The following RNF157 variants were observed in gnomAD, a reference collection of about 807,000 sequenced individuals.
The protein encoded by RNF157 is E3 ubiquitin ligase RNF157.
In RNF157, 55 loss-of-function variants were observed where a neutral mutation model predicts 88.3. The observed-to-expected ratio is 0.62, with a 90% confidence interval of 0.50 to 0.78. The LOEUF (loss-of-function observed/expected upper bound fraction) is 0.78. Among genes scored for constraint, RNF157 ranks in the 30% least tolerant of loss-of-function variants. The probability of loss-of-function intolerance (pLI) is 0.00; values close to 1 mark genes in which losing one functional copy is unlikely to be tolerated. For missense variants in RNF157, 788 were observed against 860.8 expected, an observed-to-expected ratio of 0.92 and a Z score of 1.06; for synonymous variants, 334 against 341.2, an observed-to-expected ratio of 0.98 and a Z score of 0.23.
chr17:76,184,018 C>T (rs1358605855), intron 2 of RNF157, among the ~76,000 whole-genome samples: 1 of 151,824 alleles, frequency 6.6e-6, no homozygotes, highest in East Asian at 1.9e-4. Context: ...GGTGAAACCC[C>T]GTCTCTACTA....
In RNF157 at chr17:76,146,615, G is replaced by A. The variant is rs1040554589; in HGVS notation, c.1922-1262C>T. On this transcript the variant is annotated intron_variant, in intron 18 of 18. Transcript: ENST00000269391. The surrounding 1 kb of genome is among the most constrained non-coding windows in gnomAD (Gnocchi z 4.2). ...CTCCCCTCACGAGGCATCTCTGGCC[G>A]GGGGAGGCCCAGTGTGCTCCTAAGT... 1.1e-5 allele frequency: 11 copies of A among 985,464 alleles called. No homozygotes were observed. The South Asian group carries it at 1.4e-4, about 13-fold the overall frequency. 61.0% of individuals were successfully genotyped at this position (985,464 alleles called of 1,614,324 possible).
intron 1 of RNF157, among the ~76,000 whole-genome samples, chr17:76,234,680 A>G (rs973191876): frequency 6.6e-6 from 1 of 152,192 alleles, no homozygotes; most frequent in African/African-American, 2.4e-5. Context: ...AGAAATGTCT[A>G]TTCAAGTGCT....
rs2068587595 is a variant in RNF157 at position 76,146,517 on chromosome 17, T to C, written c.1922-1164A>G. On this transcript the variant is annotated intron_variant, in intron 18 of 18. Transcript: ENST00000269391. The surrounding 1 kb of genome is among the most constrained non-coding windows in gnomAD (Gnocchi z 4.2). ...GGCTGCCTCCACTCTCAGGGTCCCC[T>C]GGCTCCCTGGGGTAGGGAAGGCATG... is the stretch of plus-strand genomic sequence containing the variant. 9 of 985,444 alleles carry C rather than the reference T, an allele frequency of 9.1e-6. No individual in the cohort carries two copies. Among genetic ancestry groups the C allele is most frequent in the Non-Finnish European group, 1.1e-5 (9 of 829,926 alleles). 61.0% of individuals were successfully genotyped at this position (985,444 alleles called of 1,614,324 possible). A position where few individuals can be genotyped will look rare whatever the true frequency, so the allele number is the denominator to read the frequency against.
intron 2 of RNF157, among the ~76,000 whole-genome samples, chr17:76,175,997 C>T (rs561112619): frequency 6.6e-6 from 1 of 152,272 alleles, no homozygotes; most frequent in African/African-American, 2.4e-5. Flanking sequence ...TCTCCCTGTA[C>T]ACACACATAC....
chr17:76,240,079 T>TC lies in RNF157; in HGVS notation c.88+73dup, dbSNP rs2070352920. 1 of 942,202 alleles carries TC rather than the reference T, an allele frequency of 1.1e-6. No individual in the cohort carries two copies. Among genetic ancestry groups the TC allele is most frequent in the African/African-American group, 1.7e-5 (1 of 57,286 alleles). The allele number at this position is 942,202 out of a possible 1,614,324, so 58.4% of individuals were successfully genotyped here. A position where few individuals can be genotyped will look rare whatever the true frequency, so the allele number is the denominator to read the frequency against. On this transcript the variant is annotated intron_variant, in intron 1 of 18. Coordinates refer to ENST00000269391, the MANE Select transcript of RNF157 (RefSeq NM_052916.3). The surrounding 1 kb of genome is among the most constrained non-coding windows in gnomAD (Gnocchi z 4.4). The stretch of plus-strand genomic sequence containing the variant: ...GTCCCCGAAGACCCGCGGGGCCCCC[T>TC]CAGGCCGTCCCGACCCAGACCCCTG...
Position 76,159,318 on chromosome 17 carries a change from G to C in RNF157, c.1304+17C>G, listed in dbSNP as rs764890495. ...CAAGGATTCCGGGGGCAACAGTGTG[G>C]AGCACTGGCTACTCACTTGGAGAGA... On this transcript the variant is annotated intron_variant, in intron 12 of 18. Transcript: ENST00000269391. 7 of 1,588,216 alleles carry C rather than the reference G, an allele frequency of 4.4e-6. No homozygotes were observed. The highest frequency in any genetic ancestry group is 6.1e-6 in the Non-Finnish European group (7 of 1,156,870).
In RNF157 at chr17:76,155,730, A is replaced by G. The variant is rs767394977; in HGVS notation, c.1530T>C (p.Pro510=). Residue 510 remains proline (P), a synonymous_variant, in exon 15 of 19, where the codon CCT becomes CCC. Transcript: ENST00000269391. ...LSSTISSPEG[P]ASSSLAQSVM... is the part of the protein sequence containing the mutation. ...CAGACTGGGCCAAGCTGCTGCTGGC[A>G]GGGCCTTTGGAGACAGGGGATGGGG... The G allele has an allele frequency of 5.1e-6, 8 of 1,567,298 alleles. No homozygotes were observed. The highest frequency in any genetic ancestry group is 6.1e-6 in the Non-Finnish European group (7 of 1,156,686).
intron 2 of RNF157, among the ~76,000 whole-genome samples, chr17:76,210,945 T>C (rs8070392): frequency 0.48 from 72,830 of 151,934 alleles, 17,710 homozygotes; most frequent in African/African-American, 0.52. Context: ...GCTGGGATTA[T>C]AGGGGTGTGC....
chr17:76,201,367 C>T (rs2069575310), intron 2 of RNF157, among the ~76,000 whole-genome samples: 2 of 150,908 alleles, frequency 1.3e-5, no homozygotes, highest in African/African-American at 4.9e-5. Context: ...TTTAAATTAG[C>T]TGTGCATGGT....
intron 1 of RNF157, among the ~76,000 whole-genome samples, chr17:76,233,790 C>G (rs777996057): frequency 1.1e-4 from 16 of 152,212 alleles, no homozygotes; most frequent in Non-Finnish European, 2.1e-4. Flanking sequence ...GCCTTGGCCT[C>G]CCAAAGTGCT....
Position 76,167,776 on chromosome 17 carries a change from G to A in RNF157, c.318C>T (p.Ser106=), listed in dbSNP as rs745825196. ...TAGCTTTACTGGCCTCTTCTCCAGGGCTCTTCACTTCCTCAGCACATCTAG... is the reference window on the plus strand; with the variant it reads ...TAGCTTTACTGGCCTCTTCTCCAGGACTCTTCACTTCCTCAGCACATCTAG... ...RLVKCAEEVK[S]PGEEASKAKV... is the part of the protein sequence containing the mutation. Residue 106 remains serine (S), a synonymous_variant, in exon 4 of 19, where the codon AGC becomes AGT. Transcript: ENST00000269391. The A allele has an allele frequency of 5.0e-6, 8 of 1,613,928 alleles. No homozygotes were observed. The highest frequency in any genetic ancestry group is 1.1e-5 in the South Asian group (1 of 91,078).
chr17:76,164,756 T>G lies in RNF157; in HGVS notation c.712A>C (p.Lys238Gln). ...GTFCVKPLKQ[K>Q]QVVDGVSYLL... ...GGTCTTCAAATACTTACTACTTGTT[T>G]CTGTTTGAGGGGCTTGACACAGAAA... Residue 238 changes from lysine to glutamine, a missense_variant, in exon 8 of 19, where the codon AAA becomes CAA. Lys to Gln is a moderately conservative substitution (Grantham distance 53, BLOSUM62 1). Transcript: ENST00000269391. The G allele has an allele frequency of 1.2e-6, 2 of 1,608,368 alleles. No homozygotes were observed. The highest frequency in any genetic ancestry group is 1.7e-6 in the Non-Finnish European group (2 of 1,174,988).
Position 76,155,246 on chromosome 17 carries a change from G to A in RNF157, c.1764+6C>T, listed in dbSNP as rs369683235. The A allele has an allele frequency of 3.1e-6, 5 of 1,613,474 alleles. No individual in the cohort carries two copies. In the African/African-American group the frequency reaches 6.7e-5, roughly 22 times the overall value. Reference sequence around the variant, plus strand: ...AGGGGGCACCACTCCGTGCTGTTGGGGTTACCTCTGCATCCTGCTCTCCAG... The same window carrying A: ...AGGGGGCACCACTCCGTGCTGTTGGAGTTACCTCTGCATCCTGCTCTCCAG... On this transcript the variant is annotated splice_donor_region_variant and intron_variant, in intron 16 of 18. Transcript: ENST00000269391.
intron 1 of RNF157, among the ~76,000 whole-genome samples, chr17:76,239,932 G>A (rs2070349134): frequency 6.6e-6 from 1 of 152,192 alleles, no homozygotes; most frequent in African/African-American, 2.4e-5. Context: ...CGGTGCCCTC[G>A]GTGACCCTGC....
chr17:76,159,682 G>A (rs2068819687), intron 11 of RNF157, 109 bp from the exon 12 acceptor site: 2 of 801,536 alleles, frequency 2.5e-6, no homozygotes, highest in Non-Finnish European at 4.1e-6. Flanking sequence ...TGTTCTTGGG[G>A]GGGTCTGGTA....
rs59023506 is a variant in RNF157 at position 76,200,934 on chromosome 17, T to G, written c.207+11430A>C. On this transcript the variant is annotated intron_variant, in intron 2 of 18. Transcript: ENST00000269391. ...TCCCCATGCTTACTCTGGTTTTCTGTCTTTCTCCGCAAGCCCCCAGACACT... is the reference window on the plus strand; with the variant it reads ...TCCCCATGCTTACTCTGGTTTTCTGGCTTTCTCCGCAAGCCCCCAGACACT... Among the ~76,000 whole-genome samples the G allele has an allele frequency of 3.9e-5, 6 of 152,180 alleles. No individual in the cohort carries two copies. In the East Asian group the frequency reaches 9.6e-4, roughly 24 times the overall value.
chr17:76,235,297 A>T (rs2070262836), intron 1 of RNF157, among the ~76,000 whole-genome samples: 1 of 150,964 alleles, frequency 6.6e-6, no homozygotes, highest in African/African-American at 2.4e-5. Context: ...TCCTGGGTTC[A>T]CATCATTCTC....
chr17:76,168,569 C>T (rs993923340), intron 3 of RNF157, among the ~76,000 whole-genome samples: 1 of 152,014 alleles, frequency 6.6e-6, no homozygotes, highest in Admixed American at 6.6e-5. Context: ...TGAGGAGGTC[C>T]CTTGGACTTG....
chr17:76,151,542 C>T (rs1055498032), intron 18 of RNF157, among the ~76,000 whole-genome samples: 1 of 152,230 alleles, frequency 6.6e-6, no homozygotes, highest in African/African-American at 2.4e-5. Context: ...AGGACAATTT[C>T]TGTCGTGAAA....
Sources: gnomAD v4.1 joint callset for allele counts (sites outside exome capture counted in the v4.1 genomes callset) on GRCh38, gnomAD v4.1.1 for gene constraint, Gnocchi (gnomAD v3.1) non-coding constraint, MANE v1.5 for transcripts, NCBI Gene and HGNC (gene_info 2026-07-23, HGNC 2026-07-21) for gene names.